Variants in R3HDM1 observed in about 807,000 individuals in gnomAD.
The protein encoded by R3HDM1 is R3H domain-containing protein 1.
Under a neutral mutation model 141.1 loss-of-function variants are expected in R3HDM1, and 46 were observed. That is an observed-to-expected ratio of 0.33 (90% CI 0.26 to 0.42). The LOEUF is 0.42. Among genes scored for constraint, R3HDM1 ranks in the 10% least tolerant of loss-of-function variants. The probability of loss-of-function intolerance (pLI) is 1.00; values close to 1 mark genes in which losing one functional copy is unlikely to be tolerated. For synonymous variants in R3HDM1, 435 were observed against 472.9 expected, an observed-to-expected ratio of 0.92 and a Z score of 1.04; for missense variants, 1,184 against 1,368.3, an observed-to-expected ratio of 0.87 and a Z score of 2.12.
intron 1 of R3HDM1, among the ~76,000 whole-genome samples, chr2:135,570,849 T>C (rs1258694656): frequency 6.6e-6 from 1 of 152,220 alleles, no homozygotes; most frequent in East Asian, 1.9e-4. Flanking sequence ...TTTAAAACTA[T>C]TTTCGTTTTT....
At chr2:135,722,284 G>A (rs1401202634) in intron 25 of R3HDM1, among the ~76,000 whole-genome samples, 185 bp from the exon 26 acceptor site, 1 of 152,216 alleles carries the variant, frequency 6.6e-6, no homozygotes, top group African/African-American at 2.4e-5. Flanking sequence ...GTCAGCAAGT[G>A]ATCGGTCATA....
intron 1 of R3HDM1, among the ~76,000 whole-genome samples, chr2:135,568,485 G>T (rs569623825): frequency 1.3e-5 from 2 of 152,136 alleles, no homozygotes; most frequent in East Asian, 3.9e-4. Flanking sequence ...GAGTAGCTGG[G>T]ATTACAGTGT....
intron 1 of R3HDM1, among the ~76,000 whole-genome samples, chr2:135,546,941 G>A (rs888162160): frequency 6.6e-6 from 1 of 152,040 alleles, no homozygotes; most frequent in African/African-American, 2.4e-5. Flanking sequence ...CAAAATGTTG[G>A]GATTACAGCC....
At chr2:135,617,461 T>A (rs891870150) in intron 5 of R3HDM1, among the ~76,000 whole-genome samples, 1 of 152,154 alleles carries the variant, frequency 6.6e-6, no homozygotes, top group Non-Finnish European at 1.5e-5. Context: ...AGCCAAGACT[T>A]CTTCTTGATA....
At chr2:135,668,501 CGATCATTCT>C (rs2067859780) in intron 19 of R3HDM1, among the ~76,000 whole-genome samples, 1 of 152,146 alleles carries the variant, frequency 6.6e-6, no homozygotes, top group Non-Finnish European at 1.5e-5. Context: ...TCTGGGGTAC[CGATCATTCT>C]GAGCATCAAA....
intron 19 of R3HDM1, among the ~76,000 whole-genome samples, chr2:135,662,346 C>T (rs2066838463): frequency 6.6e-6 from 1 of 152,212 alleles, no homozygotes. Flanking sequence ...CATCTCTGCA[C>T]TGGCCCATCT....
At chr2:135,592,420 A>G (rs1220722698) in intron 1 of R3HDM1, among the ~76,000 whole-genome samples, 1 of 152,198 alleles carries the variant, frequency 6.6e-6, no homozygotes, top group Admixed American at 6.5e-5. Context: ...CTCCGAGGTC[A>G]AGACTGAGTG....
rs1253508456 is a variant in R3HDM1, at chr2:135,606,754, C to T, written c.171+1738C>T. ...CTAGTGACAGAGCAAGACTCCATCT[C>T]AAAAAAAAAAAAAAAAAAGAATTAA... On this transcript the variant is annotated intron_variant, in intron 3 of 26. Coordinates refer to ENST00000683871, the MANE Select transcript of R3HDM1 (RefSeq NM_001378107.1). The T allele has an allele frequency of 8.9e-5, 5 of 56,308 alleles. No individual in the cohort carries two copies. In the East Asian group the frequency reaches 2.0e-3, roughly 22 times the overall value. The allele number at this position is 56,308 out of a possible 1,614,324, so 3.5% of individuals were successfully genotyped here.
At chr2:135,601,208 T>C (rs961031129) in intron 1 of R3HDM1, among the ~76,000 whole-genome samples, 1 of 152,220 alleles carries the variant, frequency 6.6e-6, no homozygotes, top group African/African-American at 2.4e-5. Flanking sequence ...AATCATTTGA[T>C]GTAGTGGCTG....
chr2:135,587,462 A>G (rs1708192056), intron 1 of R3HDM1, among the ~76,000 whole-genome samples: 1 of 152,172 alleles, frequency 6.6e-6, no homozygotes, highest in Non-Finnish European at 1.5e-5. Flanking sequence ...ATGGCCTTTT[A>G]TCAACGCTGA....
intron 3 of R3HDM1, among the ~76,000 whole-genome samples, chr2:135,612,287 C>A (rs1284443937): frequency 6.6e-6 from 1 of 152,154 alleles, no homozygotes; most frequent in Admixed American, 6.5e-5. Flanking sequence ...TAGAAAAGTA[C>A]TGAGAATTCG....
chr2:135,650,366 C>T (rs1288594107), intron 17 of R3HDM1: 1 of 984,724 alleles, frequency 1.0e-6, no homozygotes, highest in Non-Finnish European at 1.2e-6. Context: ...TTCTCCCCAA[C>T]ACTGTAGCTC....
intron 1 of R3HDM1, among the ~76,000 whole-genome samples, chr2:135,590,930 T>G (rs1709117751): frequency 1.3e-5 from 2 of 152,212 alleles, no homozygotes; most frequent in African/African-American, 4.8e-5. Flanking sequence ...AATCCTTAGG[T>G]GCTTTCTTGA....
chr2:135,579,338 G>T (rs890735910), intron 1 of R3HDM1, among the ~76,000 whole-genome samples: 1 of 152,128 alleles, frequency 6.6e-6, no homozygotes, highest in Non-Finnish European at 1.5e-5. Context: ...ACATGTACAG[G>T]CATTTAGGTA....
intron 14 of R3HDM1, among the ~76,000 whole-genome samples, chr2:135,641,100 T>C (rs2063746154): frequency 6.6e-6 from 1 of 152,250 alleles, no homozygotes; most frequent in Admixed American, 6.5e-5. Flanking sequence ...ACACTGAATC[T>C]TTCTGTGTTC....
intron 3 of R3HDM1, chr2:135,606,362 T>G (rs1377233956): frequency 6.6e-6 from 1 of 152,204 alleles, no homozygotes; most frequent in Non-Finnish European, 1.5e-5. Flanking sequence ...TCAGCTATCT[T>G]CTTTTGATGA....
chr2:135,573,956 CA>C (rs1249815845), intron 1 of R3HDM1, among the ~76,000 whole-genome samples: 1 of 151,716 alleles, frequency 6.6e-6, no homozygotes, highest in Non-Finnish European at 1.5e-5. Context: ...ATTTCCAGCT[CA>C]AAACAAAATT....
At chr2:135,612,549 T>A (rs551959509) in intron 3 of R3HDM1, among the ~76,000 whole-genome samples, 2 of 152,336 alleles carry the variant, frequency 1.3e-5, no homozygotes, top group South Asian at 4.1e-4. Context: ...AATTTCAAAC[T>A]GAAATTCTAT....
intron 18 of R3HDM1, among the ~76,000 whole-genome samples, chr2:135,657,410 C>CA (rs11334528): frequency 5.5e-3 from 402 of 73,696 alleles, no homozygotes; most frequent in African/African-American, 8.1e-3. Context: ...TACTCTGTCT[C>CA]AAAAAAAAAA....
Sources: gnomAD v4.1 joint callset for allele counts (sites outside exome capture counted in the v4.1 genomes callset) on GRCh38, gnomAD v4.1.1 for gene constraint, MANE v1.5 for transcripts, NCBI Gene and HGNC (gene_info 2026-07-23, HGNC 2026-07-21) for gene names.